Variants in TMEM132D observed in about 807,000 individuals in gnomAD.
TMEM132D encodes mature OL transmembrane protein.
A neutral mutation model predicts 62.3 loss-of-function variants in TMEM132D; 21 were observed. The ratio of observed to expected loss-of-function variants is 0.34; its 90% CI spans 0.24 to 0.49. TMEM132D has a LOEUF of 0.49. Among genes scored for constraint, TMEM132D ranks in the 20% least tolerant of loss-of-function variants. The pLI, the probability that TMEM132D is intolerant of heterozygous loss-of-function variation, is 0.99. For missense variants in TMEM132D, 1,346 were observed against 1,402.8 expected (o/e 0.96, Z 0.65); for synonymous variants, 621 against 575.6 (o/e 1.08, Z -1.13).
intron 5 of TMEM132D, among the ~76,000 whole-genome samples, chr12:129,089,826 G>A (rs1195795682): frequency 6.6e-6 from 1 of 152,242 alleles, no homozygotes; most frequent in East Asian, 1.9e-4. Context: ...CAGGACACAG[G>A]GGGCAGGGAA....
intron 2 of TMEM132D, among the ~76,000 whole-genome samples, chr12:129,637,403 G>A (rs1879511560): frequency 6.6e-6 from 1 of 152,156 alleles, no homozygotes; most frequent in Non-Finnish European, 1.5e-5. Context: ...CTCAGTGTTG[G>A]AAGAGGGGCC....
At chr12:129,567,171 T>C (rs1459441899) in intron 2 of TMEM132D, among the ~76,000 whole-genome samples, 1 of 152,248 alleles carries the variant, frequency 6.6e-6, no homozygotes, top group Non-Finnish European at 1.5e-5. Flanking sequence ...TCAACAATAC[T>C]TGCAAGCTTT....
At chr12:129,862,528 C>T (rs1439117386) in intron 1 of TMEM132D, among the ~76,000 whole-genome samples, 3 of 152,188 alleles carry the variant, frequency 2.0e-5, no homozygotes, top group African/African-American at 7.2e-5. Context: ...CTGAACTTTC[C>T]ATTTCCAATA....
chr12:129,505,185 C>T (rs1424247685), intron 3 of TMEM132D, among the ~76,000 whole-genome samples: 4 of 151,354 alleles, frequency 2.6e-5, no homozygotes, highest in African/African-American at 9.7e-5. Flanking sequence ...AATGTATATT[C>T]TGTGGTTGTT....
At chr12:129,733,587 C>G (rs1039695226) in intron 1 of TMEM132D, among the ~76,000 whole-genome samples, 1 of 150,650 alleles carries the variant, frequency 6.6e-6, no homozygotes, top group African/African-American at 2.4e-5. Flanking sequence ...TTTCAGCCAC[C>G]ATGTTGGGGA....
At position 129,152,013 on chromosome 12, in the gene TMEM132D, G is replaced by A. The variant is rs147899100; in HGVS notation, c.1443+57507C>T. On this transcript the variant is annotated intron_variant, in intron 5 of 8. Coordinates refer to ENST00000422113, the MANE Select transcript of TMEM132D (RefSeq NM_133448.3). Reference sequence around the variant, plus strand: ...CTGCCTCAGCCTCCCAAGTAGCTGGGACTACAGGCGCCCGCCATCATGCCC... The same window carrying A: ...CTGCCTCAGCCTCCCAAGTAGCTGGAACTACAGGCGCCCGCCATCATGCCC... Among the ~76,000 whole-genome samples the A allele has an allele frequency of 4.6e-3, 695 of 152,140 alleles. 5 individuals are homozygous for A. Among genetic ancestry groups the A allele is most frequent in the African/African-American group, 0.015 (623 of 41,514 alleles).
At chr12:129,470,931 G>C (rs1874075966) in intron 3 of TMEM132D, among the ~76,000 whole-genome samples, 1 of 152,134 alleles carries the variant, frequency 6.6e-6, no homozygotes, top group Non-Finnish European at 1.5e-5. Context: ...AAAGAAAGAA[G>C]TAGAAGAGAG....
chr12:129,609,954 C>T (rs1384126411), intron 2 of TMEM132D, among the ~76,000 whole-genome samples: 1 of 152,184 alleles, frequency 6.6e-6, no homozygotes, highest in Non-Finnish European at 1.5e-5. Flanking sequence ...ATCCTCTCTC[C>T]TTTAGGACTA....
intron 4 of TMEM132D, among the ~76,000 whole-genome samples, chr12:129,253,417 C>A (rs994519248): frequency 2.0e-5 from 3 of 152,082 alleles, no homozygotes; most frequent in Admixed American, 6.6e-5. Flanking sequence ...TCACTTCAAC[C>A]TTTTACATGA....
Position 129,602,350 on chromosome 12 carries a change from G to A in TMEM132D, c.969-71145C>T, listed in dbSNP as rs187838283. Among the ~76,000 whole-genome samples, 445 of 152,132 alleles carry A rather than the reference G, an allele frequency of 2.9e-3. 2 individuals carry two copies. Among genetic ancestry groups the A allele is most frequent in the Non-Finnish European group, 4.0e-3 (273 of 68,010 alleles). On this transcript the variant is annotated intron_variant, in intron 2 of 8. Coordinates refer to ENST00000422113, the MANE Select transcript of TMEM132D (RefSeq NM_133448.3). ...AATAAAAATGTCAATATAGCTATCCGTGAGCTCACTGAATTTTACTTCCTA... is the reference window on the plus strand; with the variant it reads ...AATAAAAATGTCAATATAGCTATCCATGAGCTCACTGAATTTTACTTCCTA...
At position 129,622,184 on chromosome 12, in the gene TMEM132D, G is replaced by A. The variant is rs530152684; in HGVS notation, c.968+77626C>T. 2.0e-5 allele frequency among the ~76,000 whole-genome samples: 3 copies of A among 152,144 alleles called. No individual in the cohort carries two copies. The South Asian group carries it at 6.2e-4, about 32-fold the overall frequency. Reference sequence around the variant, plus strand: ...TTAGGCCACACAAAGTCTGCATTTCGAAACGGATGAAAAAGCAGAAGCCAG... The same window carrying A: ...TTAGGCCACACAAAGTCTGCATTTCAAAACGGATGAAAAAGCAGAAGCCAG... On this transcript the variant is annotated intron_variant, in intron 2 of 8. Transcript: ENST00000422113.
At chr12:129,248,087 G>A (rs970997131) in intron 4 of TMEM132D, among the ~76,000 whole-genome samples, 3 of 152,134 alleles carry the variant, frequency 2.0e-5, no homozygotes, top group Non-Finnish European at 2.9e-5. Context: ...GAGTAGCAAA[G>A]CGCTTTCACA....
chr12:129,109,321 T>A (rs1347025200), intron 5 of TMEM132D, among the ~76,000 whole-genome samples: 1 of 152,210 alleles, frequency 6.6e-6, no homozygotes, highest in African/African-American at 2.4e-5. Flanking sequence ...GACAAGTCAC[T>A]TAACCTCTCT....
chr12:129,283,655 G>A (rs141850182), intron 4 of TMEM132D, among the ~76,000 whole-genome samples: 54 of 152,360 alleles, frequency 3.5e-4, no homozygotes, highest in African/African-American at 1.3e-3. Context: ...TGGGGAGACA[G>A]GGCAGGTGAG....
chr12:129,092,053 C>T (rs183804283), intron 5 of TMEM132D, among the ~76,000 whole-genome samples: 1 of 152,298 alleles, frequency 6.6e-6, no homozygotes, highest in East Asian at 1.9e-4. Flanking sequence ...TACCACATTA[C>T]AATGCTGATG....
intron 3 of TMEM132D, among the ~76,000 whole-genome samples, chr12:129,484,124 C>G (rs747471863): frequency 6.6e-5 from 10 of 152,094 alleles, no homozygotes; most frequent in Non-Finnish European, 1.3e-4. Flanking sequence ...CGTGCACCAC[C>G]ATACTTGGCT....
chr12:129,104,296 ATT>A (rs1875413956), intron 5 of TMEM132D, among the ~76,000 whole-genome samples: 1 of 151,658 alleles, frequency 6.6e-6, no homozygotes, highest in East Asian at 1.9e-4. Context: ...TGGGGAAAGG[ATT>A]CCCTATTTAA....
intron 1 of TMEM132D, among the ~76,000 whole-genome samples, chr12:129,831,092 C>A (rs1428033175): frequency 6.6e-6 from 1 of 152,144 alleles, no homozygotes. Flanking sequence ...CACCATGAGT[C>A]CTGAAATTGA....
At chr12:129,236,939 G>C (rs1879803132) in intron 4 of TMEM132D, among the ~76,000 whole-genome samples, 1 of 152,136 alleles carries the variant, frequency 6.6e-6, no homozygotes, top group African/African-American at 2.4e-5. Context: ...TCACAAAAAT[G>C]TATTGAATTT....
Sources: allele counts gnomAD v4.1 joint callset (sites outside exome capture counted in the v4.1 genomes callset), GRCh38; gene constraint gnomAD v4.1.1; transcripts MANE v1.5; gene names NCBI Gene and HGNC (gene_info 2026-07-23, HGNC 2026-07-21).